The following PES1 variants were observed in gnomAD, a reference collection of about 807,000 sequenced individuals.
PES1 encodes pescadillo ribosomal biogenesis factor 1.
Under a neutral mutation model 77.1 loss-of-function variants are expected in PES1, and 31 were observed. The observed-to-expected ratio is 0.40, with a 90% CI of 0.30 to 0.54. The LOEUF is 0.54. Among genes scored for constraint, PES1 ranks in the 20% least tolerant of loss-of-function variants. PES1 has a pLI of 0.45. For missense variants in PES1, 658 were observed against 771.7 expected (o/e 0.85, Z 1.75); for synonymous variants, 282 against 303.0 (o/e 0.93, Z 0.72).
At chr22:30,578,683 G>A (rs532012402) in intron 14 of PES1, among the ~76,000 whole-genome samples, 154 bp downstream of exon 14, 1 of 152,238 alleles carries the variant, frequency 6.6e-6, no homozygotes, top group East Asian at 1.9e-4. Flanking sequence ...CAGGTCGGGG[G>A]CCCCAAAGGC....
At chr22:30,578,146 G>A (rs1447798296) in intron 14 of PES1, among the ~76,000 whole-genome samples, 1 of 152,156 alleles carries the variant, frequency 6.6e-6, no homozygotes, top group African/African-American at 2.4e-5. Flanking sequence ...AGCCAGGTGT[G>A]GTGGCACACG....
Position 30,588,029 on chromosome 22 carries a change from C to T in PES1, c.250G>A (p.Glu84Lys). 1.9e-6 allele frequency: 3 copies of T among 1,613,820 alleles called. No homozygotes were observed. The highest frequency in any genetic ancestry group is 2.2e-5 in the South Asian group (2 of 91,064). The change falls in exon 3 of 15, where the codon GAA becomes AAA. Residue 84 changes from glutamate to lysine, a missense_variant. Physicochemically the swap from Glu to Lys is moderately conservative, Grantham distance 56 (BLOSUM62 1). Transcript: ENST00000354694. ...LHEPIVNKFR[E>K]YKVFVRKLRK... ...TAGAGCCCAGACCTCACCTTGTATT[C>T]ACGGAACTTGTTGACAATGGGTTCG...
At chr22:30,579,540 C>A in intron 12 of PES1, 1 of 702,902 alleles carries the variant, frequency 1.4e-6, no homozygotes, top group Non-Finnish European at 2.3e-6. Context: ...GATGACAATG[C>A]AGCATGTTCT....
rs148637592 is a variant in PES1, at chr22:30,582,712, G to A, written c.631-1068C>T. On this transcript the variant is annotated intron_variant, in intron 6 of 14. Coordinates refer to ENST00000354694, the MANE Select transcript of PES1 (RefSeq NM_014303.4). ...CTGCTGCCAGACAGTGACCTGTGCT[G>A]TGAGAGCACATAGGGCCAAGAGAAG... 2.9e-3 allele frequency among the ~76,000 whole-genome samples: 449 copies of A among 152,294 alleles called. 3 individuals are homozygous for A. The highest frequency in any genetic ancestry group is 8.3e-3 in the African/African-American group (346 of 41,570).
intron 6 of PES1, 95 bp downstream of exon 6, chr22:30,584,270 G>T: frequency 2.0e-6 from 2 of 1,001,012 alleles, no homozygotes; most frequent in Non-Finnish European, 1.5e-6. Flanking sequence ...CCCAGCACTT[G>T]CTAAACTCCA....
At chr22:30,579,348 C>T (rs1410969339) in intron 12 of PES1, 45 bp from the exon 13 acceptor site, 1 of 1,598,864 alleles carries the variant, frequency 6.3e-7, no homozygotes, top group African/African-American at 1.3e-5. Flanking sequence ...AATCTACTGT[C>T]TCTCTGGCAG....
chr22:30,579,299 G>A lies in PES1; in HGVS notation c.1359C>T (p.Asn453=), dbSNP rs201234783. The A allele has an allele frequency of 1.2e-6, 2 of 1,600,068 alleles. No homozygotes were observed. Among genetic ancestry groups the A allele is most frequent in the South Asian group, 2.2e-5 (2 of 91,082 alleles). The change falls in exon 13 of 15, where the codon AAC becomes AAT. Residue 453 remains asparagine, a synonymous_variant. Transcript: ENST00000354694. The part of the protein sequence containing the change: ...LALQRGEDPG[N]LNESEEEEEE... ...CCTCCTCCTCTTCTGACTCATTCAG[G>A]TTTCCTAGAGAAAGCCAATGTCCTC...
At chr22:30,581,458 G>A (rs369647482) in intron 7 of PES1, 50 bp from the exon 8 acceptor site, 24 of 1,601,814 alleles carry the variant, frequency 1.5e-5, no homozygotes, top group Non-Finnish European at 1.9e-5. Flanking sequence ...ACAGCCCCTC[G>A]CCTCTGTGTG....
chr22:30,598,400 G>C (rs2087299012), intron 2 of PES1: 1 of 154,604 alleles, frequency 6.5e-6, no homozygotes, highest in South Asian at 2.1e-4. Flanking sequence ...TCCGGACACA[G>C]TACTATGCCA....
intron 2 of PES1, among the ~76,000 whole-genome samples, chr22:30,600,747 A>C (rs2087341878): frequency 1.3e-5 from 2 of 152,144 alleles, no homozygotes; most frequent in Non-Finnish European, 2.9e-5. Flanking sequence ...ACCCGGAGGC[A>C]GAGCTTGCAG....
chr22:30,598,284 A>T (rs1427681400), intron 2 of PES1: 2 of 152,136 alleles, frequency 1.3e-5, no homozygotes, highest in African/African-American at 4.8e-5. Context: ...ACATCCGAGC[A>T]TCAGAAGGAA....
chr22:30,606,961 G>T, exon 1 of PES1: 3 of 865,754 alleles, frequency 3.5e-6, no homozygotes, highest in Non-Finnish European at 4.5e-6. Context: ...GGCACGGTCG[G>T]ACAGACTTGA....
rs530246425 is a variant in PES1, at chr22:30,578,911, T to C, written c.1609A>G (p.Ile537Val). The C allele has an allele frequency of 2.5e-6, 4 of 1,613,594 alleles. No individual in the cohort carries two copies. The highest frequency in any genetic ancestry group is 3.4e-6 in the Non-Finnish European group (4 of 1,180,018). The change falls in exon 14 of 15, where the codon ATT becomes GTT. Residue 537 changes from isoleucine to valine, a missense_variant. By Grantham distance (29) the Ile-to-Val change is conservative. Transcript: ENST00000354694. Reference protein sequence around the residue: ...EEESEAKRLAIMMMKKREKYL... With the variant: ...EEESEAKRLAVMMMKKREKYL... ...TTCTCCCGCTTCTTCATCATCATAA[T>C]GGCCAGGCGCTTGGCCTCACTCTCC...
intron 10 of PES1, 111 bp downstream of exon 10, chr22:30,580,460 A>G (rs983795865): frequency 1.1e-5 from 15 of 1,421,382 alleles, no homozygotes; most frequent in Middle Eastern, 1.8e-4. Flanking sequence ...ACACTGTTTC[A>G]TAAGAAGTGG....
chr22:30,597,896 TG>T (rs771642743), intron 2 of PES1, among the ~76,000 whole-genome samples: 15,958 of 68,820 alleles, frequency 0.23, 1,871 homozygotes, highest in African/African-American at 0.28. Context: ...TTTTTTTTTT[TG>T]TTTTGAGTCG....
chr22:30,604,975 G>A (rs926971465), intron 2 of PES1, among the ~76,000 whole-genome samples: 21 of 152,116 alleles, frequency 1.4e-4, no homozygotes, highest in Non-Finnish European at 1.0e-4. Flanking sequence ...CCCCTGACCA[G>A]TCACTCTATT....
intron 6 of PES1, 170 bp downstream of exon 6, chr22:30,584,195 C>G: frequency 4.8e-6 from 3 of 628,348 alleles, no homozygotes; most frequent in Non-Finnish European, 5.7e-6. Context: ...CTTAGGCTCC[C>G]GCTCTTAATG....
chr22:30,582,937 C>T (rs546442748), intron 6 of PES1, among the ~76,000 whole-genome samples: 3 of 152,324 alleles, frequency 2.0e-5, no homozygotes, highest in South Asian at 2.1e-4. Flanking sequence ...GGCTCCGCTA[C>T]GACCTAGTGC....
chr22:30,606,972 C>T, exon 1 of PES1: 1 of 835,456 alleles, frequency 1.2e-6, no homozygotes, highest in Non-Finnish European at 1.6e-6. Flanking sequence ...ACAGACTTGA[C>T]AGATCAGGCA....
Sources: gnomAD v4.1 joint callset for allele counts (sites outside exome capture counted in the v4.1 genomes callset) on GRCh38, gnomAD v4.1.1 for gene constraint, MANE v1.5 for transcripts, NCBI Gene and HGNC (gene_info 2026-07-23, HGNC 2026-07-21) for gene names.